The following ASAP1 variants were observed in gnomAD, a reference collection of about 807,000 sequenced individuals.
ASAP1 encodes arf-GAP with SH3 domain, ANK repeat and PH domain-containing protein 1.
ASAP1 carries 43 observed loss-of-function variants against 145.2 expected under a neutral mutation model. That is an observed-to-expected ratio of 0.30 (90% CI 0.23 to 0.38). The LOEUF (loss-of-function observed/expected upper bound fraction) is 0.38. ASAP1 is among the 10% of genes least tolerant of loss of function. The pLI, the probability that ASAP1 is intolerant of heterozygous loss-of-function variation, is 1.00. For missense variants in ASAP1, 1,018 were observed against 1,355.3 expected, an observed-to-expected ratio of 0.75 and a Z score of 3.91; for synonymous variants, 546 against 515.5, an observed-to-expected ratio of 1.06 and a Z score of -0.80.
chr8:130,312,112 C>CA lies in ASAP1; in HGVS notation c.186+45904dup, dbSNP rs1032926246. On this transcript the variant is annotated intron_variant, in intron 3 of 29. Coordinates refer to ENST00000518721, the MANE Select transcript of ASAP1 (RefSeq NM_018482.4). ...ATAACATAGCAAGACCCAGTCTCTC[C>CA]AAAAAAAATACAAAAATTAGCTGGG... Among the ~76,000 whole-genome samples, 9 of 151,218 alleles carry CA rather than the reference C, an allele frequency of 6.0e-5. No homozygotes were observed. In the East Asian group the frequency reaches 9.7e-4, roughly 16 times the overall value.
At chr8:130,370,944 T>G (rs1827185406) in intron 2 of ASAP1, among the ~76,000 whole-genome samples, 1 of 152,106 alleles carries the variant, frequency 6.6e-6, no homozygotes, top group South Asian at 2.1e-4. Context: ...TTGTGAGGAG[T>G]GACAAAAATG....
At position 130,192,010 on chromosome 8, in the gene ASAP1, CA is replaced by C. The variant is rs1372808442; in HGVS notation, c.406-3828del. ...CACCGGAAGGTTTCCCAATGTGTGT[CA>C]CCAGAGGGCTTCTCTGGTGACACAC... On this transcript the variant is annotated intron_variant, in intron 5 of 29. Transcript: ENST00000518721. Among the ~76,000 whole-genome samples, 15 of 152,146 alleles carry C rather than the reference CA, an allele frequency of 9.9e-5. 1 individual carries two copies. In the South Asian group the frequency reaches 3.1e-3, roughly 32 times the overall value.
chr8:130,127,837 G>T, intron 16 of ASAP1, 90 bp downstream of exon 16: 1 of 1,444,652 alleles, frequency 6.9e-7, no homozygotes, highest in Non-Finnish European at 9.4e-7. Context: ...TGTCCATAGG[G>T]GTTAAGGTTT....
At chr8:130,113,095 C>G (rs2097549343) in intron 23 of ASAP1, among the ~76,000 whole-genome samples, 1 of 152,224 alleles carries the variant, frequency 6.6e-6, no homozygotes, top group African/African-American at 2.4e-5. Context: ...GCAGCCAGAG[C>G]TGGTGGGAAA....
intron 17 of ASAP1, 98 bp from the exon 18 acceptor site, chr8:130,124,202 T>C (rs2097571283): frequency 1.1e-6 from 1 of 871,900 alleles, no homozygotes; most frequent in Non-Finnish European, 1.8e-6. Context: ...AATATGTATT[T>C]TCCCTCATTT....
intron 25 of ASAP1, among the ~76,000 whole-genome samples, chr8:130,090,469 A>G (rs898871729): frequency 4.6e-5 from 7 of 152,222 alleles, no homozygotes; most frequent in Non-Finnish European, 8.8e-5. Context: ...CTTTATGTAC[A>G]TATGTGCTAG....
chr8:130,056,154 C>T (rs892688694), intron 29 of ASAP1, among the ~76,000 whole-genome samples: 7 of 152,202 alleles, frequency 4.6e-5, no homozygotes, highest in East Asian at 1.9e-4. Context: ...TTGTGAGAAA[C>T]GATTAATCAT....
At chr8:130,206,521 T>C (rs1816235028) in intron 5 of ASAP1, among the ~76,000 whole-genome samples, 1 of 152,010 alleles carries the variant, frequency 6.6e-6, no homozygotes, top group Admixed American at 6.6e-5. Flanking sequence ...CAGGAAATGC[T>C]ATGCAGATGG....
chr8:130,146,449 T>C (rs890861645), intron 13 of ASAP1, among the ~76,000 whole-genome samples: 9 of 152,146 alleles, frequency 5.9e-5, no homozygotes, highest in Non-Finnish European at 1.3e-4. Context: ...GGCTCCAAAG[T>C]TCGCCCTCTT....
At chr8:130,277,268 C>G (rs1229739310) in intron 3 of ASAP1, among the ~76,000 whole-genome samples, 2 of 152,090 alleles carry the variant, frequency 1.3e-5, no homozygotes, top group Non-Finnish European at 2.9e-5. Flanking sequence ...TGGCCATTCA[C>G]CTAAAAGATG....
In ASAP1 at chr8:130,088,560, C is replaced by A. The variant is rs182754048; in HGVS notation, c.2572+3413G>T. 1.6e-4 allele frequency among the ~76,000 whole-genome samples: 24 copies of A among 152,302 alleles called. No individual in the cohort carries two copies. In the East Asian group the frequency reaches 3.1e-3, roughly 20 times the overall value. ...ACGGATCACCTGGAGTCACCAGAAG[C>A]TGAGAGAGGCAAGAAACAGATTCTT... On this transcript the variant is annotated intron_variant, in intron 25 of 29. Transcript: ENST00000518721.
chr8:130,131,023 G>A (rs1336120462), intron 15 of ASAP1, among the ~76,000 whole-genome samples: 1 of 152,158 alleles, frequency 6.6e-6, no homozygotes, highest in East Asian at 1.9e-4. Context: ...CAGGCGTGGT[G>A]GCACGCGCCT....
At chr8:130,351,755 G>A (rs1455962346) in intron 3 of ASAP1, among the ~76,000 whole-genome samples, 1 of 152,120 alleles carries the variant, frequency 6.6e-6, no homozygotes, top group Non-Finnish European at 1.5e-5. Flanking sequence ...CATTCATGAG[G>A]CATCCGCCCC....
chr8:130,225,296 T>C (rs1317723541), intron 4 of ASAP1, among the ~76,000 whole-genome samples: 2 of 152,242 alleles, frequency 1.3e-5, no homozygotes, highest in Non-Finnish European at 2.9e-5. Context: ...TCAATCTGTA[T>C]GCAAAAGACT....
intron 24 of ASAP1, among the ~76,000 whole-genome samples, chr8:130,106,461 A>C (rs1195298722): frequency 1.3e-5 from 2 of 152,210 alleles, no homozygotes; most frequent in African/African-American, 4.8e-5. Flanking sequence ...ATCTACTGCC[A>C]CAGATCTCCA....
chr8:130,163,110 A>C (rs569212808), intron 11 of ASAP1: 80 of 166,734 alleles, frequency 4.8e-4, no homozygotes, highest in African/African-American at 1.8e-3. Context: ...CCTCTATCAG[A>C]GAATGGCTCC....
At chr8:130,074,714 G>C (rs2097458415) in intron 27 of ASAP1, among the ~76,000 whole-genome samples, 1 of 152,200 alleles carries the variant, frequency 6.6e-6, no homozygotes, top group Admixed American at 6.5e-5. Flanking sequence ...GTGGACTCCT[G>C]TGCTGACTCA....
chr8:130,267,887 C>G (rs1820355337), intron 3 of ASAP1, among the ~76,000 whole-genome samples: 1 of 152,134 alleles, frequency 6.6e-6, no homozygotes, highest in Non-Finnish European at 1.5e-5. Context: ...GTAGGAGCAG[C>G]TGAAAAAGTA....
chr8:130,382,159 G>A (rs142928119), intron 2 of ASAP1, among the ~76,000 whole-genome samples: 3,008 of 151,768 alleles, frequency 0.02, 105 homozygotes, highest in African/African-American at 0.067. Context: ...GGTGGCAGGC[G>A]CCTGTAGTCC....
Sources: gnomAD v4.1 joint callset for allele counts (sites outside exome capture counted in the v4.1 genomes callset) on GRCh38, gnomAD v4.1.1 for gene constraint, MANE v1.5 for transcripts, NCBI Gene and HGNC (gene_info 2026-07-23, HGNC 2026-07-21) for gene names.